DRG1: variants seen among roughly 807,000 people sequenced by gnomAD.
DRG1 encodes developmentally regulated GTP binding protein 1, also known as developmentally-regulated GTP-binding protein 1.
Under a neutral mutation model 38.8 loss-of-function variants are expected in DRG1, and 19 were observed. That is an observed-to-expected ratio of 0.49 (90% CI 0.34 to 0.72). The LOEUF is 0.72. DRG1 is among the 30% of genes least tolerant of loss of function. The probability of loss-of-function intolerance (pLI) is 0.01; values close to 1 mark genes in which losing one functional copy is unlikely to be tolerated. For synonymous variants in DRG1, 167 were observed against 157.5 expected (o/e 1.06, Z -0.45); for missense variants, 299 against 444.8 (o/e 0.67, Z 2.95).
At chr22:31,400,529 A>G (rs1433684091) in intron 1 of DRG1, 91 bp from the exon 2 acceptor site, 2 of 1,542,282 alleles carry the variant, frequency 1.3e-6, no homozygotes, top group East Asian at 2.4e-5. Flanking sequence ...GTGTGCTAAC[A>G]TTAGTAGGAC....
At chr22:31,418,897 G>A (rs1201462969) in intron 4 of DRG1, among the ~76,000 whole-genome samples, 1 of 152,056 alleles carries the variant, frequency 6.6e-6, no homozygotes, top group African/African-American at 2.4e-5. Context: ...TGGCCGGGAT[G>A]GTCTCAATCA....
At chr22:31,408,061 G>A (rs999618617) in intron 3 of DRG1, among the ~76,000 whole-genome samples, 38 of 146,322 alleles carry the variant, frequency 2.6e-4, no homozygotes, top group Non-Finnish European at 5.0e-4. Context: ...GAGAGGCAGA[G>A]GTTGCAGTGA....
At chr22:31,412,029 C>T (rs2050021002) in intron 4 of DRG1, among the ~76,000 whole-genome samples, 1 of 151,806 alleles carries the variant, frequency 6.6e-6, no homozygotes, top group Admixed American at 6.6e-5. Context: ...CTGTGGCTCA[C>T]GCCTGTAATC....
chr22:31,409,806 C>A lies in DRG1; in HGVS notation c.343-1206C>A, dbSNP rs910672916. 7.2e-5 allele frequency among the ~76,000 whole-genome samples: 11 copies of A among 151,928 alleles called. No homozygotes were observed. The Middle Eastern group carries it at 9.5e-3, about 131-fold the overall frequency. ...CTCAGGAGTTCGAGACCAGCCTGGG[C>A]AACACGTCGAAACCCTGACTCTACT... On this transcript the variant is annotated intron_variant, in intron 3 of 8. Transcript: ENST00000331457.
chr22:31,430,089 G>A (rs1228674240), intron 8 of DRG1, among the ~76,000 whole-genome samples: 1 of 152,124 alleles, frequency 6.6e-6, no homozygotes, highest in African/African-American at 2.4e-5. Flanking sequence ...ATACTTAGAT[G>A]TTCCCAAATG....
intron 7 of DRG1, 48 bp downstream of exon 7, chr22:31,426,830 T>A (rs750475085): frequency 6.4e-7 from 1 of 1,572,250 alleles, no homozygotes. Flanking sequence ...TTAACCAGAC[T>A]GTCCTAAAAT....
chr22:31,429,183 A>T (rs985683686), intron 8 of DRG1, among the ~76,000 whole-genome samples: 1 of 152,134 alleles, frequency 6.6e-6, no homozygotes, highest in Non-Finnish European at 1.5e-5. Flanking sequence ...TAGTGGCACG[A>T]TATCAGCTCA....
intron 1 of DRG1, 64 bp from the exon 2 acceptor site, chr22:31,400,556 T>C (rs1272557427): frequency 1.4e-5 from 22 of 1,583,528 alleles, no homozygotes; most frequent in Non-Finnish European, 1.9e-5. Flanking sequence ...AAAAAAATTA[T>C]CCTCTCAAAG....
At chr22:31,408,709 C>T (rs895099676) in intron 3 of DRG1, among the ~76,000 whole-genome samples, 3 of 140,348 alleles carry the variant, frequency 2.1e-5, no homozygotes, top group South Asian at 2.2e-4. Context: ...ACCAAGATTG[C>T]ACCACTGCAC....
At chr22:31,415,065 C>T (rs2050037070) in intron 4 of DRG1, among the ~76,000 whole-genome samples, 1 of 152,100 alleles carries the variant, frequency 6.6e-6, no homozygotes, top group Non-Finnish European at 1.5e-5. Flanking sequence ...GCATGTACGA[C>T]CATGGCAGGC....
At chr22:31,405,728 G>C (rs894112137) in intron 3 of DRG1, among the ~76,000 whole-genome samples, 1 of 151,072 alleles carries the variant, frequency 6.6e-6, no homozygotes, top group Admixed American at 6.6e-5. Context: ...TTACTCTGTT[G>C]CCCAGGCTGG....
At chr22:31,416,723 T>G (rs968155996) in intron 4 of DRG1, among the ~76,000 whole-genome samples, 12 of 152,004 alleles carry the variant, frequency 7.9e-5, no homozygotes, top group African/African-American at 2.9e-4. Context: ...GCCAACATGG[T>G]GAAACCGCGT....
At chr22:31,418,692 T>C (rs1444156898) in intron 4 of DRG1, among the ~76,000 whole-genome samples, 1 of 151,916 alleles carries the variant, frequency 6.6e-6, no homozygotes, top group African/African-American at 2.4e-5. Flanking sequence ...TTTATTTATT[T>C]ATTTTTGTAG....
At chr22:31,418,794 G>A (rs2145866000) in intron 4 of DRG1, among the ~76,000 whole-genome samples, 2 of 152,280 alleles carry the variant, frequency 1.3e-5, no homozygotes, top group East Asian at 3.9e-4. Context: ...AGATTCTCCT[G>A]CCTCAGCCTC....
intron 1 of DRG1, among the ~76,000 whole-genome samples, chr22:31,399,933 C>T (rs1423490651): frequency 1.3e-5 from 2 of 152,152 alleles, no homozygotes; most frequent in Non-Finnish European, 2.9e-5. Flanking sequence ...CGTCCCGCGT[C>T]TACGCTCTCG....
At chr22:31,405,294 A>G (rs958858080) in intron 3 of DRG1, among the ~76,000 whole-genome samples, 3 of 151,988 alleles carry the variant, frequency 2.0e-5, no homozygotes, top group African/African-American at 7.2e-5. Flanking sequence ...CAGCCTCTCA[A>G]GTAGCTGGGA....
intron 8 of DRG1, among the ~76,000 whole-genome samples, chr22:31,431,170 AACT>A (rs914669225): frequency 6.7e-6 from 1 of 149,936 alleles, no homozygotes; most frequent in Non-Finnish European, 1.5e-5. Context: ...GAGTAGCTGG[AACT>A]ACAGGTGCCT....
chr22:31,419,011 C>T (rs1326473817), intron 4 of DRG1, among the ~76,000 whole-genome samples: 7 of 152,050 alleles, frequency 4.6e-5, no homozygotes, highest in African/African-American at 1.7e-4. Flanking sequence ...GACAGGGTTT[C>T]ACCATGTTGA....
At chr22:31,426,887 A>G (rs2145870599) in intron 7 of DRG1, 105 bp downstream of exon 7, 1 of 1,509,616 alleles carries the variant, frequency 6.6e-7, no homozygotes, top group East Asian at 2.3e-5. Context: ...TTTTGAAAAT[A>G]TAAGTAAATT....
Sources: gnomAD v4.1 joint callset for allele counts (sites outside exome capture counted in the v4.1 genomes callset) on GRCh38, gnomAD v4.1.1 for gene constraint, MANE v1.5 for transcripts, NCBI Gene and HGNC (gene_info 2026-07-23, HGNC 2026-07-21) for gene names.